Variants in IMMP2L observed in about 807,000 individuals in gnomAD.
The protein encoded by IMMP2L is inner mitochondrial membrane peptidase subunit 2.
IMMP2L carries 18 observed loss-of-function variants against 19.3 expected under a neutral mutation model. The ratio of observed to expected loss-of-function variants is 0.93; its 90% CI spans 0.64 to 1.38. IMMP2L has a LOEUF of 1.38. Among genes scored for constraint, IMMP2L ranks in the 40% most tolerant of loss-of-function variants. IMMP2L has a pLI of 0.00. For synonymous variants in IMMP2L, 76 were observed against 73.0 expected (o/e 1.04, Z -0.21); for missense variants, 233 against 218.2 (o/e 1.07, Z -0.43).
At chr7:110,844,775 A>G (rs1376346927) in intron 5 of IMMP2L, among the ~76,000 whole-genome samples, 1 of 152,052 alleles carries the variant, frequency 6.6e-6, no homozygotes, top group Non-Finnish European at 1.5e-5. Flanking sequence ...AAGGATGGAC[A>G]GTTTCTCTCC....
chr7:111,062,278 A>C (rs1794089217), intron 3 of IMMP2L, among the ~76,000 whole-genome samples: 2 of 152,176 alleles, frequency 1.3e-5, no homozygotes, highest in Admixed American at 1.3e-4. Context: ...GAGCTTGTAA[A>C]GGGAAACTCC....
intron 3 of IMMP2L, among the ~76,000 whole-genome samples, chr7:111,395,382 CA>C (rs1392739319): frequency 6.6e-6 from 1 of 152,024 alleles, no homozygotes; most frequent in Non-Finnish European, 1.5e-5. Context: ...AATTTTAGTC[CA>C]ATTTTGTTCG....
chr7:110,668,202 G>A (rs1023230412), intron 5 of IMMP2L, among the ~76,000 whole-genome samples: 3 of 151,920 alleles, frequency 2.0e-5, no homozygotes, highest in East Asian at 1.9e-4. Context: ...TTTGTTTCAC[G>A]TCTGGAAAAG....
At chr7:110,717,064 C>CGTAG (rs921838231) in intron 5 of IMMP2L, among the ~76,000 whole-genome samples, 1 of 152,136 alleles carries the variant, frequency 6.6e-6, no homozygotes. Flanking sequence ...GGTAAGTCTA[C>CGTAG]CTAGGAGACA....
At chr7:110,704,170 C>A (rs919209122) in intron 5 of IMMP2L, among the ~76,000 whole-genome samples, 6 of 152,078 alleles carry the variant, frequency 3.9e-5, no homozygotes, top group Admixed American at 2.0e-4. Context: ...CTAATATTCT[C>A]AATTGATTTT....
chr7:110,774,921 A>T (rs1234374825), intron 5 of IMMP2L, among the ~76,000 whole-genome samples: 3 of 152,070 alleles, frequency 2.0e-5, no homozygotes, highest in Non-Finnish European at 4.4e-5. Flanking sequence ...TTGTAAACAA[A>T]ACTCCTTAGT....
chr7:110,712,287 C>A (rs1794927335), intron 5 of IMMP2L, among the ~76,000 whole-genome samples: 1 of 71,348 alleles, frequency 1.4e-5, no homozygotes, highest in African/African-American at 5.3e-5. Flanking sequence ...TGTCAGTGTG[C>A]CCCTGCTGGG....
intron 3 of IMMP2L, among the ~76,000 whole-genome samples, chr7:111,362,868 G>C (rs933783133): frequency 1.3e-5 from 2 of 152,058 alleles, no homozygotes; most frequent in African/African-American, 2.4e-5. Flanking sequence ...CATGAGTCAA[G>C]AGCAATTCTG....
chr7:111,183,225 G>A (rs1409730393), intron 3 of IMMP2L, among the ~76,000 whole-genome samples: 2 of 152,036 alleles, frequency 1.3e-5, no homozygotes, highest in African/African-American at 2.4e-5. Context: ...TGAAATGCAT[G>A]TTAAAATTAT....
At chr7:111,251,751 G>T (rs1816152148) in intron 3 of IMMP2L, among the ~76,000 whole-genome samples, 1 of 152,052 alleles carries the variant, frequency 6.6e-6, no homozygotes, top group Non-Finnish European at 1.5e-5. Flanking sequence ...TGATGAGGAT[G>T]GGGGAGGGAG....
chr7:110,819,387 A>G (rs981899990), intron 5 of IMMP2L, among the ~76,000 whole-genome samples: 5 of 152,032 alleles, frequency 3.3e-5, no homozygotes, highest in Non-Finnish European at 7.4e-5. Context: ...CCCTACATGA[A>G]CTGTGATGCA....
intron 5 of IMMP2L, among the ~76,000 whole-genome samples, chr7:110,767,200 C>G (rs1283954846): frequency 6.6e-6 from 1 of 152,010 alleles, no homozygotes; most frequent in African/African-American, 2.4e-5. Flanking sequence ...CAGACTTGCC[C>G]AAAGATAACC....
intron 3 of IMMP2L, among the ~76,000 whole-genome samples, chr7:111,253,452 G>A (rs1430840964): frequency 6.6e-6 from 1 of 152,048 alleles, no homozygotes; most frequent in African/African-American, 2.4e-5. Context: ...GACAAACCAG[G>A]GTGGGAAGGA....
In IMMP2L at chr7:111,156,819, AG is replaced by A. The variant is rs1804693795; in HGVS notation, c.240-193255del. Among the ~76,000 whole-genome samples, 5 of 151,990 alleles carry A rather than the reference AG, an allele frequency of 3.3e-5. No individual in the cohort carries two copies. The South Asian group carries it at 1.0e-3, about 32-fold the overall frequency. The stretch of plus-strand genomic sequence containing the variant: ...CATGCTTGGAACACCAGACTGGTGA[AG>A]TCTTCTAGGCCTGAGATTTTTTTTC... On this transcript the variant is annotated intron_variant, in intron 3 of 5. Transcript: ENST00000405709.
chr7:111,030,642 T>C (rs1017614962), intron 3 of IMMP2L, among the ~76,000 whole-genome samples: 3 of 152,022 alleles, frequency 2.0e-5, no homozygotes, highest in African/African-American at 7.2e-5. Flanking sequence ...AGCTATGAAG[T>C]TCTCAACTAT....
intron 4 of IMMP2L, among the ~76,000 whole-genome samples, chr7:110,918,459 T>C (rs951714390): frequency 2.7e-5 from 4 of 150,598 alleles, no homozygotes; most frequent in Non-Finnish European, 4.4e-5. Context: ...TTTCTTTTTT[T>C]TTTTTTTTTT....
intron 5 of IMMP2L, among the ~76,000 whole-genome samples, chr7:110,788,178 A>G (rs141686678): frequency 0.011 from 1,649 of 152,012 alleles, 12 homozygotes; most frequent in Admixed American, 0.015. Context: ...ACTTCCCTTT[A>G]CAGCCAAACT....
intron 5 of IMMP2L, among the ~76,000 whole-genome samples, chr7:110,754,695 A>C (rs1357260324): frequency 6.6e-6 from 1 of 152,090 alleles, no homozygotes; most frequent in Non-Finnish European, 1.5e-5. Flanking sequence ...ATAATGTTAG[A>C]AAAACTAATA....
At position 111,423,558 on chromosome 7, in the gene IMMP2L, T is replaced by G. The variant is rs376962696; in HGVS notation, c.239+63680A>C. The stretch of plus-strand genomic sequence containing the variant: ...TTTGTATTTCTGTGGGATAGGTGGT[T>G]ATACCCCCTTTATCATTTTTTATTG... On this transcript the variant is annotated intron_variant, in intron 3 of 5. Transcript: ENST00000405709. 3.5e-4 allele frequency among the ~76,000 whole-genome samples: 53 copies of G among 151,838 alleles called. No homozygotes were observed. In the East Asian group the frequency reaches 8.3e-3, roughly 24 times the overall value.
Sources: gnomAD v4.1 joint callset for allele counts (sites outside exome capture counted in the v4.1 genomes callset) on GRCh38, gnomAD v4.1.1 for gene constraint, MANE v1.5 for transcripts, NCBI Gene and HGNC (gene_info 2026-07-23, HGNC 2026-07-21) for gene names.